CDH23: variants seen among roughly 807,000 people sequenced by gnomAD.
CDH23 encodes cadherin-23.
In CDH23, 189 loss-of-function variants were observed where a neutral mutation model predicts 317.1. That is an observed-to-expected ratio of 0.60 (90% CI 0.53 to 0.67). The LOEUF (loss-of-function observed/expected upper bound fraction) is 0.67, where lower values mean the gene tolerates loss of function less well. Ranked by LOEUF, CDH23 falls within the 30% of genes least tolerant of loss-of-function variation. CDH23 has a pLI of 0.00. For missense variants in CDH23, 4,401 were observed against 4,592.4 expected, an observed-to-expected ratio of 0.96 and a Z score of 1.20; for synonymous variants, 1,839 against 1,876.8, an observed-to-expected ratio of 0.98 and a Z score of 0.52.
intron 6 of CDH23, among the ~76,000 whole-genome samples, chr10:71,518,885 G>A (rs987982642): frequency 1.7e-4 from 26 of 152,128 alleles, no homozygotes; most frequent in African/African-American, 5.8e-4. Context: ...TGAAGCCAAG[G>A]ACCCCTGGTC....
chr10:71,551,989 C>A lies in CDH23; in HGVS notation c.430-14753C>A, dbSNP rs145908485. Among the ~76,000 whole-genome samples the A allele has an allele frequency of 5.5e-4, 84 of 152,334 alleles. 1 individual carries two copies. The South Asian group carries it at 5.6e-3, about 10-fold the overall frequency. ...AGGGAATGCTCCTCAGGTGAGTGGA[C>A]CTCCTTGGGCTGTCCCCGCCCAAGT... On this transcript the variant is annotated intron_variant, in intron 6 of 69. Coordinates refer to ENST00000224721, the MANE Select transcript of CDH23 (RefSeq NM_022124.6).
rs972038042 is a variant in CDH23 at position 71,815,626 on chromosome 10, C to T, written c.*348C>T. On this transcript the variant is annotated 3_prime_UTR_variant, in exon 70 of 70. Coordinates refer to ENST00000224721, the MANE Select transcript of CDH23 (RefSeq NM_022124.6). The stretch of plus-strand genomic sequence containing the variant: ...AGGCCAAACAGGCCCTCCTCCCTCC[C>T]AGCTCCACCCCGCAAGCACCATCCC... The T allele has an allele frequency of 1.8e-5, 4 of 216,532 alleles. No homozygotes were observed. Among genetic ancestry groups the T allele is most frequent in the South Asian group, 1.4e-4 (1 of 7,390 alleles). The allele number at this position is 216,532 out of a possible 1,614,324, so 13.4% of individuals were successfully genotyped here.
At chr10:71,779,183 G>A in intron 40 of CDH23, 84 bp from the exon 41 acceptor site, 1 of 1,297,698 alleles carries the variant, frequency 7.7e-7, no homozygotes, top group East Asian at 2.3e-5. Flanking sequence ...AGAATTATCA[G>A]GTCCATTTCA....
intron 3 of CDH23, among the ~76,000 whole-genome samples, chr10:71,505,681 C>T (rs1230781822): frequency 1.3e-5 from 2 of 152,186 alleles, no homozygotes; most frequent in Non-Finnish European, 2.9e-5. Flanking sequence ...GAGACCCAGC[C>T]AGCTCCCATC....
rs968432651 is a variant in CDH23, at chr10:71,784,386, C to T, written c.5468C>T (p.Ala1823Val). ...TIAFYNLTICARDRGMPPLSS... is the reference protein window; with the variant it reads ...TIAFYNLTICVRDRGMPPLSS... ...GCCTTCTACAACCTGACCATCTGTG[C>T]CCGTGACCGGGGGATGCCCCCACTC... The change falls in exon 42 of 70, where the codon GCC becomes GTC. Residue 1823 changes from alanine to valine, a missense_variant. Transcript: ENST00000224721. The T allele has an allele frequency of 5.6e-6, 9 of 1,613,878 alleles. No individual in the cohort carries two copies. The highest frequency in any genetic ancestry group is 3.3e-5 in the Admixed American group (2 of 60,018).
chr10:71,736,030 C>G (rs916209745), intron 34 of CDH23, among the ~76,000 whole-genome samples: 1 of 152,234 alleles, frequency 6.6e-6, no homozygotes, highest in Non-Finnish European at 1.5e-5. Context: ...GCAGGTGTTG[C>G]GAGAAGGCTG....
At chr10:71,782,587 G>T (rs539175438) in intron 41 of CDH23, among the ~76,000 whole-genome samples, 326 of 152,332 alleles carry the variant, frequency 2.1e-3, no homozygotes, top group Non-Finnish European at 3.6e-3. Flanking sequence ...CCAAGGAGAA[G>T]AATTTGCACA....
At chr10:71,782,681 G>T (rs1374780099) in intron 41 of CDH23, among the ~76,000 whole-genome samples, 1 of 152,234 alleles carries the variant, frequency 6.6e-6, no homozygotes, top group African/African-American at 2.4e-5. Flanking sequence ...TCTCCTCCTG[G>T]CTTTGGAAGG....
intron 45 of CDH23, among the ~76,000 whole-genome samples, chr10:71,789,284 T>C (rs960021269): frequency 2.6e-5 from 4 of 152,088 alleles, no homozygotes; most frequent in African/African-American, 9.7e-5. Flanking sequence ...CCCAGGGTGG[T>C]CTGAGAGCTG....
At chr10:71,578,868 C>G (rs1330995515) in intron 9 of CDH23, among the ~76,000 whole-genome samples, 3 of 152,194 alleles carry the variant, frequency 2.0e-5, no homozygotes, top group Non-Finnish European at 4.4e-5. Context: ...CTACCATACC[C>G]CCACATCCCC....
At chr10:71,400,341 G>A (rs1040163502) in intron 1 of CDH23, among the ~76,000 whole-genome samples, 1 of 151,770 alleles carries the variant, frequency 6.6e-6, no homozygotes, top group Non-Finnish European at 1.5e-5. Context: ...CCTGCCCAAA[G>A]AGGCAGTCCT....
At chr10:71,765,282 G>A (rs143928278) in intron 38 of CDH23, among the ~76,000 whole-genome samples, 4 of 152,340 alleles carry the variant, frequency 2.6e-5, no homozygotes, top group South Asian at 2.1e-4. Flanking sequence ...CTTCAGCTAC[G>A]GTAGTATTTA....
intron 6 of CDH23, among the ~76,000 whole-genome samples, chr10:71,552,649 T>C (rs1205540335): frequency 6.6e-6 from 1 of 152,122 alleles, no homozygotes; most frequent in Admixed American, 6.5e-5. Flanking sequence ...GTGCCTTGGA[T>C]TTGAGGAAGG....
At chr10:71,657,061 C>A (rs1166298810) in intron 14 of CDH23, among the ~76,000 whole-genome samples, 1 of 152,222 alleles carries the variant, frequency 6.6e-6, no homozygotes, top group East Asian at 1.9e-4. Flanking sequence ...CTCCTCTCCC[C>A]ACCCTTGCTG....
At chr10:71,776,900 G>A (rs1840827896) in intron 38 of CDH23, among the ~76,000 whole-genome samples, 1 of 152,248 alleles carries the variant, frequency 6.6e-6, no homozygotes, top group African/African-American at 2.4e-5. Context: ...TAGTCCACAG[G>A]GGACATCTTC....
At chr10:71,758,456 G>A (rs540055038) in intron 38 of CDH23, among the ~76,000 whole-genome samples, 1 of 152,320 alleles carries the variant, frequency 6.6e-6, no homozygotes, top group East Asian at 1.9e-4. Flanking sequence ...AAGCTGCTGG[G>A]TATTCTCACC....
intron 11 of CDH23, among the ~76,000 whole-genome samples, chr10:71,632,362 T>A (rs61851978): frequency 0.091 from 13,925 of 152,250 alleles, 827 homozygotes; most frequent in Non-Finnish European, 0.13. Flanking sequence ...TTCAATCTAA[T>A]TCAGCAGGCA....
chr10:71,681,576 C>T (rs1453522891), intron 17 of CDH23, among the ~76,000 whole-genome samples: 1 of 152,112 alleles, frequency 6.6e-6, no homozygotes, highest in African/African-American at 2.4e-5. Flanking sequence ...CTAAACAGTG[C>T]CCAGAGTAGG....
intron 6 of CDH23, among the ~76,000 whole-genome samples, chr10:71,550,466 G>A (rs1291056597): frequency 1.3e-5 from 2 of 151,078 alleles, no homozygotes; most frequent in Non-Finnish European, 2.9e-5. Context: ...ACTGACACAT[G>A]GGAGGATTAC....
Sources: gnomAD v4.1 joint callset for allele counts (sites outside exome capture counted in the v4.1 genomes callset) on GRCh38, gnomAD v4.1.1 for gene constraint, MANE v1.5 for transcripts, NCBI Gene and HGNC (gene_info 2026-07-23, HGNC 2026-07-21) for gene names.